Variants in CHCHD3 observed in about 807,000 individuals in gnomAD.
CHCHD3 encodes MICOS complex subunit MIC19.
Under a neutral mutation model 38.2 loss-of-function variants are expected in CHCHD3, and 20 were observed. The observed-to-expected ratio is 0.52, with a 90% CI of 0.37 to 0.76. The LOEUF is 0.76. CHCHD3 is among the 30% of genes least tolerant of loss of function. The pLI is 0.00. For synonymous variants in CHCHD3, 82 were observed against 100.0 expected (o/e 0.82, Z 1.07); for missense variants, 245 against 279.2 (o/e 0.88, Z 0.87).
At chr7:133,067,932 C>T (rs925891692) in intron 2 of CHCHD3, among the ~76,000 whole-genome samples, 5 of 152,100 alleles carry the variant, frequency 3.3e-5, no homozygotes, top group African/African-American at 1.2e-4. Context: ...CTGGCTAACA[C>T]GGTGAAACCC....
intron 3 of CHCHD3, among the ~76,000 whole-genome samples, chr7:133,004,327 TC>T (rs1481411917): frequency 6.6e-6 from 1 of 152,198 alleles, no homozygotes; most frequent in Non-Finnish European, 1.5e-5. Flanking sequence ...CAAAACCAGA[TC>T]CATCAGTTTT....
intron 4 of CHCHD3, among the ~76,000 whole-genome samples, chr7:132,918,423 G>C (rs1013073163): frequency 6.6e-6 from 1 of 152,164 alleles, no homozygotes; most frequent in African/African-American, 2.4e-5. Flanking sequence ...TGACACATTT[G>C]TGAAACACTC....
At chr7:132,978,340 A>G (rs899831410) in intron 3 of CHCHD3, among the ~76,000 whole-genome samples, 2 of 152,156 alleles carry the variant, frequency 1.3e-5, no homozygotes, top group Admixed American at 1.3e-4. Context: ...AAGGACTTCT[A>G]AAATCACAAA....
At chr7:132,927,889 CT>C (rs1385488480) in intron 4 of CHCHD3, among the ~76,000 whole-genome samples, 1 of 152,166 alleles carries the variant, frequency 6.6e-6, no homozygotes, top group Non-Finnish European at 1.5e-5. Context: ...CAACCTACTC[CT>C]AAAGACATCT....
chr7:132,922,556 T>C (rs79388888), intron 4 of CHCHD3, among the ~76,000 whole-genome samples: 53 of 145,404 alleles, frequency 3.6e-4, no homozygotes, highest in Non-Finnish European at 7.4e-4. Context: ...TCTTCCTCTC[T>C]ATACTTTTTT....
chr7:132,944,593 TAATAA>T (rs1043680423), intron 4 of CHCHD3, among the ~76,000 whole-genome samples: 25 of 152,056 alleles, frequency 1.6e-4, no homozygotes, highest in Middle Eastern at 3.4e-3. Context: ...AATATTGTTG[TAATAA>T]AATAATTACA....
intron 4 of CHCHD3, among the ~76,000 whole-genome samples, chr7:132,918,812 C>G (rs551033573): frequency 7.9e-5 from 12 of 152,280 alleles, no homozygotes; most frequent in African/African-American, 2.6e-4. Context: ...GCTGACATGG[C>G]ACTTAATAAA....
At chr7:132,925,032 T>A (rs1430193710) in intron 4 of CHCHD3, among the ~76,000 whole-genome samples, 1 of 152,174 alleles carries the variant, frequency 6.6e-6, no homozygotes, top group African/African-American at 2.4e-5. Flanking sequence ...GAAAAATCAT[T>A]TATAATGGAT....
At chr7:132,956,340 T>C (rs1347231148) in intron 4 of CHCHD3, among the ~76,000 whole-genome samples, 2 of 152,238 alleles carry the variant, frequency 1.3e-5, no homozygotes, top group Non-Finnish European at 2.9e-5. Flanking sequence ...TTTTGATGTA[T>C]ACCCAGCATA....
chr7:132,801,125 T>C (rs1249872347), intron 6 of CHCHD3, among the ~76,000 whole-genome samples: 1 of 152,232 alleles, frequency 6.6e-6, no homozygotes. Context: ...TAAAAATATG[T>C]AATCATTCAC....
intron 3 of CHCHD3, among the ~76,000 whole-genome samples, chr7:132,983,306 G>A (rs1479459027): frequency 6.6e-6 from 1 of 152,196 alleles, no homozygotes; most frequent in African/African-American, 2.4e-5. Context: ...CTGGGTGACA[G>A]ACCGAGACTC....
chr7:133,049,635 G>T (rs565102044), intron 2 of CHCHD3, among the ~76,000 whole-genome samples: 2 of 152,154 alleles, frequency 1.3e-5, no homozygotes, highest in Non-Finnish European at 2.9e-5. Context: ...GAGAAGCAAA[G>T]TATGTTTGAA....
intron 5 of CHCHD3, among the ~76,000 whole-genome samples, chr7:132,854,065 T>C (rs528176634): frequency 6.6e-6 from 1 of 152,324 alleles, no homozygotes; most frequent in Non-Finnish European, 1.5e-5. Context: ...AGGAAATGGG[T>C]TCCCTCATCA....
Position 132,785,089 on chromosome 7 carries a change from A to C in CHCHD3, c.*548T>G, listed in dbSNP as rs1806279605. On this transcript the variant is annotated 3_prime_UTR_variant, in exon 8 of 8. Transcript: ENST00000262570. ...TAAGTTATAATGAAATAGCTCTTAC[A>C]TAATCAAAGGAGAAAAGAAAGACAA... 2 of 153,124 alleles carry C rather than the reference A, an allele frequency of 1.3e-5. No homozygotes were observed. Among genetic ancestry groups the C allele is most frequent in the African/African-American group, 4.8e-5 (2 of 41,446 alleles). 9.5% of individuals were successfully genotyped at this position (153,124 alleles called of 1,614,324 possible).
chr7:132,785,696 G>C (rs376069989), intron 7 of CHCHD3, 36 bp from the exon 8 acceptor site: 2 of 1,608,122 alleles, frequency 1.2e-6, no homozygotes. Flanking sequence ...TTTTACCACC[G>C]GGAGAGGACA....
chr7:132,943,821 GTC>G (rs1197858054), intron 4 of CHCHD3, among the ~76,000 whole-genome samples: 1 of 152,110 alleles, frequency 6.6e-6, no homozygotes, highest in Non-Finnish European at 1.5e-5. Context: ...GTCTGGCGAT[GTC>G]TCTCTATTTC....
chr7:133,062,638 G>A (rs970336289), intron 2 of CHCHD3, among the ~76,000 whole-genome samples: 6 of 152,086 alleles, frequency 3.9e-5, no homozygotes, highest in Non-Finnish European at 7.4e-5. Flanking sequence ...TTAAAACAGC[G>A]TCTTTTTTCT....
At chr7:132,993,220 A>G (rs1812329451) in intron 3 of CHCHD3, among the ~76,000 whole-genome samples, 1 of 152,230 alleles carries the variant, frequency 6.6e-6, no homozygotes, top group African/African-American at 2.4e-5. Flanking sequence ...TTCAATTTGC[A>G]GACTCCAGTT....
chr7:132,830,880 T>C lies in CHCHD3; in HGVS notation c.524+7519A>G, dbSNP rs1050087750. 115 of 152,264 alleles carry C rather than the reference T, an allele frequency of 7.6e-4. 2 individuals are homozygous for C. The highest frequency in any genetic ancestry group is 2.6e-3 in the African/African-American group (109 of 41,560). The allele number at this position is 152,264 out of a possible 1,614,324, so 9.4% of individuals were successfully genotyped here. A position where few individuals can be genotyped will look rare whatever the true frequency, so the allele number is the denominator to read the frequency against. ...ACAGGTATATTTACTTTATCTAGAA[T>C]TTTGCCTCTTCAATTACTAAGTCTC... is the stretch of plus-strand genomic sequence containing the variant. On this transcript the variant is annotated intron_variant, in intron 6 of 7. Coordinates refer to ENST00000262570, the MANE Select transcript of CHCHD3 (RefSeq NM_017812.4).
Sources: gnomAD v4.1 joint callset for allele counts (sites outside exome capture counted in the v4.1 genomes callset) on GRCh38, gnomAD v4.1.1 for gene constraint, MANE v1.5 for transcripts, NCBI Gene and HGNC (gene_info 2026-07-23, HGNC 2026-07-21) for gene names.